The following TNS1 variants were observed in gnomAD, a reference collection of about 807,000 sequenced individuals.
The protein encoded by TNS1 is tensin 1.
A neutral mutation model predicts 168.6 loss-of-function variants in TNS1; 62 were observed. The ratio of observed to expected loss-of-function variants is 0.37; its 90% CI spans 0.30 to 0.45. The LOEUF (loss-of-function observed/expected upper bound fraction) is 0.45. Ranked by LOEUF, TNS1 falls within the 20% of genes least tolerant of loss-of-function variation. The pLI is 1.00. For missense variants in TNS1, 2,240 were observed against 2,339.4 expected, an observed-to-expected ratio of 0.96 and a Z score of 0.88; for synonymous variants, 934 against 933.2, an observed-to-expected ratio of 1.00 and a Z score of -0.02.
intron 1 of TNS1, among the ~76,000 whole-genome samples, chr2:217,996,079 G>C (rs771039405): frequency 6.6e-6 from 1 of 152,138 alleles, no homozygotes; most frequent in Non-Finnish European, 1.5e-5. Flanking sequence ...TGCCCCGTGG[G>C]GGCAGAGCAG....
rs535194502 is a variant in TNS1, at chr2:217,835,071, G to A, written c.3280+20C>T. 2 of 1,559,898 alleles carry A rather than the reference G, an allele frequency of 1.3e-6. No homozygotes were observed. The highest frequency in any genetic ancestry group is 2.1e-5 in the Admixed American group (1 of 47,264). ...GCTGGAGGGTACACAGGGAAGACGA[G>A]CTTCACAGGGAATTCTTACCCCCAC... On this transcript the variant is annotated intron_variant, in intron 21 of 32. Coordinates refer to ENST00000682258, the MANE Select transcript of TNS1 (RefSeq NM_001387777.1).
Position 217,831,436 on chromosome 2 carries a change from T to C in TNS1, c.3373+19A>G. 1.3e-6 allele frequency: 2 copies of C among 1,558,650 alleles called. No homozygotes were observed. The highest frequency in any genetic ancestry group is 8.7e-7 in the Non-Finnish European group (1 of 1,150,874). The stretch of plus-strand genomic sequence containing the variant: ...CCTCCCCCTGGCCCCCCTCCCCATC[T>C]TCCCTCTTCCCAACTCACCTCCTGT... On this transcript the variant is annotated intron_variant, in intron 22 of 32. Coordinates refer to ENST00000682258, the MANE Select transcript of TNS1 (RefSeq NM_001387777.1).
At chr2:217,956,772 G>T (rs541111561) in intron 3 of TNS1, among the ~76,000 whole-genome samples, 2 of 152,282 alleles carry the variant, frequency 1.3e-5, no homozygotes, top group South Asian at 4.1e-4. Context: ...CCCAGAGAAG[G>T]GCTGTGGCTT....
chr2:217,813,980 T>A lies in TNS1; in HGVS notation c.4730-164A>T. On this transcript the variant is annotated intron_variant, in intron 25 of 32. Transcript: ENST00000682258. This position sits in a 1 kb window ranked among gnomAD's most constrained non-coding sequence, Gnocchi z 4.0. ...CCTACGGGTCTTCCTGTACTCAGGT[T>A]GGCAAACTTATTCTGTTGGGTTTTT... 1.3e-6 allele frequency: 1 copy of A among 776,300 alleles called. No individual in the cohort carries two copies. The highest frequency in any genetic ancestry group is 1.8e-6 in the Non-Finnish European group (1 of 543,638). The allele number at this position is 776,300 out of a possible 1,614,324, so 48.1% of individuals were successfully genotyped here.
At chr2:217,938,578 G>A (rs1009458966) in intron 3 of TNS1, among the ~76,000 whole-genome samples, 1 of 152,220 alleles carries the variant, frequency 6.6e-6, no homozygotes, top group African/African-American at 2.4e-5. Context: ...CAGTTATTTG[G>A]GGATCCTACT....
intron 4 of TNS1, among the ~76,000 whole-genome samples, chr2:217,907,553 G>T (rs1457693309): frequency 6.6e-6 from 1 of 152,226 alleles, no homozygotes; most frequent in African/African-American, 2.4e-5. Flanking sequence ...AATTGGAGAG[G>T]TCAATGACTT....
At chr2:218,028,181 C>G (rs1958865232) in intron 1 of TNS1, among the ~76,000 whole-genome samples, 1 of 152,176 alleles carries the variant, frequency 6.6e-6, no homozygotes, top group Non-Finnish European at 1.5e-5. Flanking sequence ...TTCACCTGAC[C>G]CTGCACACAT....
At chr2:217,859,477 C>A in intron 18 of TNS1, 1 of 634,712 alleles carries the variant, frequency 1.6e-6, no homozygotes. Context: ...GAACACAGGA[C>A]CTGAATAGAA....
chr2:217,808,454 C>T (rs369136216), intron 31 of TNS1, 149 bp downstream of exon 31: 204 of 817,638 alleles, frequency 2.5e-4, no homozygotes, highest in African/African-American at 4.1e-4. Context: ...ATGCCCAACA[C>T]GATTACTCAC....
intron 3 of TNS1, 66 bp from the exon 4 acceptor site, chr2:217,920,302 G>T (rs1955585701): frequency 2.8e-6 from 2 of 702,456 alleles, no homozygotes; most frequent in Admixed American, 4.0e-5. Flanking sequence ...AGCACCTCCT[G>T]AGGTCACCCC....
intron 3 of TNS1, among the ~76,000 whole-genome samples, chr2:217,978,220 G>A (rs1957942113): frequency 6.6e-6 from 1 of 152,098 alleles, no homozygotes; most frequent in African/African-American, 2.4e-5. Context: ...AAGAAGACCT[G>A]GCCAATAAAG....
At chr2:218,015,794 A>T (rs1420016897) in intron 1 of TNS1, among the ~76,000 whole-genome samples, 1 of 152,054 alleles carries the variant, frequency 6.6e-6, no homozygotes, top group Non-Finnish European at 1.5e-5. Context: ...GTATCGATCC[A>T]TGGGGATCCC....
At chr2:217,890,019 A>G (rs1008896106) in intron 12 of TNS1, among the ~76,000 whole-genome samples, 1 of 152,242 alleles carries the variant, frequency 6.6e-6, no homozygotes, top group Non-Finnish European at 1.5e-5. Context: ...ACCAGGAGGC[A>G]CTGCCCTAGC....
intron 16 of TNS1, 53 bp downstream of exon 16, chr2:217,884,982 C>G (rs1574947356): frequency 1.2e-6 from 2 of 1,608,184 alleles, no homozygotes; most frequent in East Asian, 2.2e-5. Flanking sequence ...TCAAACTGAG[C>G]TCCTCTCCCT....
chr2:217,938,055 G>T (rs1956714806), intron 3 of TNS1, among the ~76,000 whole-genome samples: 1 of 152,202 alleles, frequency 6.6e-6, no homozygotes, highest in South Asian at 2.1e-4. Flanking sequence ...TAGAAATTGG[G>T]CAGAGGTGAG....
intron 16 of TNS1, 120 bp downstream of exon 16, chr2:217,884,915 G>A (rs1248567142): frequency 2.3e-6 from 3 of 1,303,952 alleles, no homozygotes; most frequent in African/African-American, 3.0e-5. Flanking sequence ...CCATCACCCT[G>A]AGACTAGACA....
intron 18 of TNS1, among the ~76,000 whole-genome samples, chr2:217,864,015 G>C (rs957026196): frequency 6.6e-6 from 1 of 152,168 alleles, no homozygotes; most frequent in Non-Finnish European, 1.5e-5. Flanking sequence ...AGCCTTCCAG[G>C]GTCTTCACAC....
At chr2:217,970,769 C>G (rs10203112) in intron 3 of TNS1, among the ~76,000 whole-genome samples, 4,299 of 152,078 alleles carry the variant, frequency 0.028, 191 homozygotes, top group South Asian at 0.11. Context: ...GGTTTCTTTC[C>G]GAGCTGCTGA....
intron 7 of TNS1, 76 bp from the exon 8 acceptor site, chr2:217,898,045 A>G: frequency 6.8e-7 from 1 of 1,468,958 alleles, no homozygotes; most frequent in Non-Finnish European, 9.1e-7. Context: ...GCTGCACCCC[A>G]TACACACCCT....
Sources: gnomAD v4.1 joint callset for allele counts (sites outside exome capture counted in the v4.1 genomes callset) on GRCh38, gnomAD v4.1.1 for gene constraint, Gnocchi (gnomAD v3.1) non-coding constraint, MANE v1.5 for transcripts, NCBI Gene and HGNC (gene_info 2026-07-23, HGNC 2026-07-21) for gene names.